Variants in LIX1 observed in about 807,000 individuals in gnomAD.
The protein encoded by LIX1 is protein limb expression 1 homolog.
In LIX1, 24 loss-of-function variants were observed where a neutral mutation model predicts 33.4. The ratio of observed to expected loss-of-function variants is 0.72; its 90% CI spans 0.52 to 1.01. The LOEUF (loss-of-function observed/expected upper bound fraction) is 1.01. Ranked by LOEUF, LIX1 falls within the 50% of genes least tolerant of loss-of-function variation. The pLI is 0.00. For synonymous variants in LIX1, 124 were observed against 124.0 expected, an observed-to-expected ratio of 1.00 and a Z score of 0.00; for missense variants, 311 against 339.2, an observed-to-expected ratio of 0.92 and a Z score of 0.65.
intron 4 of LIX1, among the ~76,000 whole-genome samples, chr5:97,097,463 A>G (rs1447404420): frequency 1.3e-5 from 2 of 152,226 alleles, no homozygotes; most frequent in Non-Finnish European, 2.9e-5. Flanking sequence ...GAAGATCGCT[A>G]TATACATGTT....
At chr5:97,121,403 T>A (rs1468836461) in intron 2 of LIX1, among the ~76,000 whole-genome samples, 1 of 152,162 alleles carries the variant, frequency 6.6e-6, no homozygotes, top group African/African-American at 2.4e-5. Flanking sequence ...TCTAGAGCTC[T>A]TACTAAATTG....
At chr5:97,140,950 T>G (rs1235357514) in intron 1 of LIX1, among the ~76,000 whole-genome samples, 1 of 152,218 alleles carries the variant, frequency 6.6e-6, no homozygotes, top group African/African-American at 2.4e-5. Context: ...AAAGAAGTCC[T>G]GCAAAGTCCT....
intron 1 of LIX1, among the ~76,000 whole-genome samples, chr5:97,141,477 A>G (rs918419352): frequency 6.6e-6 from 1 of 152,256 alleles, no homozygotes; most frequent in Non-Finnish European, 1.5e-5. Context: ...GGAAAAATTT[A>G]TAGAATTAAA....
At chr5:97,104,182 G>T (rs1046503161) in intron 4 of LIX1, among the ~76,000 whole-genome samples, 6 of 152,108 alleles carry the variant, frequency 3.9e-5, no homozygotes, top group Admixed American at 2.0e-4. Flanking sequence ...GCTTCAGAAG[G>T]GCTCAGCTCA....
intron 1 of LIX1, among the ~76,000 whole-genome samples, chr5:97,134,608 A>G (rs899222968): frequency 6.6e-6 from 1 of 152,252 alleles, no homozygotes; most frequent in Non-Finnish European, 1.5e-5. Flanking sequence ...TTGAGGAGCA[A>G]CAGGAAAAGG....
At chr5:97,129,874 T>A (rs1748016566) in intron 1 of LIX1, among the ~76,000 whole-genome samples, 1 of 152,230 alleles carries the variant, frequency 6.6e-6, no homozygotes, top group Admixed American at 6.5e-5. Flanking sequence ...ATGAGAGCCT[T>A]CCCCAAGAAT....
At chr5:97,129,753 C>G (rs995866821) in intron 1 of LIX1, among the ~76,000 whole-genome samples, 5 of 152,002 alleles carry the variant, frequency 3.3e-5, no homozygotes, top group African/African-American at 1.2e-4. Context: ...ATATCATTTC[C>G]CCACAACCCC....
At chr5:97,130,054 TATC>T (rs1261351695) in intron 1 of LIX1, among the ~76,000 whole-genome samples, 2 of 152,214 alleles carry the variant, frequency 1.3e-5, no homozygotes, top group African/African-American at 4.8e-5. Flanking sequence ...CCAATATCCT[TATC>T]ATCAATCTTC....
Position 97,093,416 on chromosome 5 carries a change from A to G in LIX1, c.*1332T>C, listed in dbSNP as rs1158382812. On this transcript the variant is annotated 3_prime_UTR_variant, in exon 6 of 6. Transcript: ENST00000274382. ...GAATAATCATTTTCATGTTACAGATATGGAAAGACCTATGAGCATTTAAAA... is the reference window on the plus strand; with the variant it reads ...GAATAATCATTTTCATGTTACAGATGTGGAAAGACCTATGAGCATTTAAAA... 1 of 152,330 alleles carries G rather than the reference A, an allele frequency of 6.6e-6. No individual in the cohort carries two copies. The highest frequency in any genetic ancestry group is 1.5e-5 in the Non-Finnish European group (1 of 68,032). 9.4% of individuals were successfully genotyped at this position (152,330 alleles called of 1,614,324 possible).
At chr5:97,140,523 A>G (rs1748264155) in intron 1 of LIX1, among the ~76,000 whole-genome samples, 1 of 152,154 alleles carries the variant, frequency 6.6e-6, no homozygotes, top group South Asian at 2.1e-4. Flanking sequence ...TGGTGGCAGC[A>G]ACTTATGGGT....
At chr5:97,117,711 A>G (rs552512806) in intron 2 of LIX1, among the ~76,000 whole-genome samples, 15 of 152,342 alleles carry the variant, frequency 9.8e-5, no homozygotes, top group African/African-American at 3.6e-4. Flanking sequence ...TTAAGGCTGT[A>G]TGCTCCTTGG....
In LIX1 at chr5:97,094,974, A is replaced by C; in HGVS notation, c.623T>G (p.Leu208Arg). 6.2e-7 allele frequency: 1 copy of C among 1,614,138 alleles called. No homozygotes were observed. The highest frequency in any genetic ancestry group is 8.5e-7 in the Non-Finnish European group (1 of 1,180,026). Residue 208 changes from leucine (L) to arginine (R), a missense_variant, in exon 6 of 6, where the codon CTG (leucine) becomes CGG (arginine). Transcript: ENST00000274382. ...LDEKMRSHMA[L>R]DWIMKERDSP... ...GTCCCGCTCCTTCATGATCCAGTCC[A>C]GGGCCATGTGGCTGCGCATCTTTTC...
chr5:97,128,202 T>C (rs1297718896), intron 1 of LIX1, among the ~76,000 whole-genome samples: 1 of 152,230 alleles, frequency 6.6e-6, no homozygotes, highest in African/African-American at 2.4e-5. Flanking sequence ...TCAAGTAATG[T>C]AGGCTTTCCT....
At chr5:97,136,140 A>C (rs1748168447) in intron 1 of LIX1, among the ~76,000 whole-genome samples, 2 of 152,188 alleles carry the variant, frequency 1.3e-5, no homozygotes, top group African/African-American at 4.8e-5. Flanking sequence ...GGATGAATGT[A>C]AGGATGGGCA....
At chr5:97,112,866 C>T (rs1252491308) in intron 2 of LIX1, among the ~76,000 whole-genome samples, 2 of 151,764 alleles carry the variant, frequency 1.3e-5, no homozygotes, top group Non-Finnish European at 2.9e-5. Context: ...GCAGTGGTAG[C>T]CAGTTTGTAA....
chr5:97,103,680 C>A (rs1480532698), intron 4 of LIX1, among the ~76,000 whole-genome samples: 1 of 152,128 alleles, frequency 6.6e-6, no homozygotes, highest in Non-Finnish European at 1.5e-5. Flanking sequence ...AACTGGATGA[C>A]TAAGGCCGGG....
intron 1 of LIX1, among the ~76,000 whole-genome samples, chr5:97,127,847 T>A (rs6890564): frequency 0.02 from 3,004 of 152,342 alleles, 84 homozygotes; most frequent in African/African-American, 0.064. Flanking sequence ...TATCCATCCC[T>A]ATGTCTAGGG....
At chr5:97,119,467 T>C (rs1747725899) in intron 2 of LIX1, among the ~76,000 whole-genome samples, 1 of 152,156 alleles carries the variant, frequency 6.6e-6, no homozygotes, top group African/African-American at 2.4e-5. Flanking sequence ...GTTCTTTCAT[T>C]TTTCCCCCTG....
intron 5 of LIX1, among the ~76,000 whole-genome samples, chr5:97,096,565 C>T (rs1035662867): frequency 7.9e-5 from 12 of 152,138 alleles, no homozygotes; most frequent in Non-Finnish European, 1.6e-4. Context: ...ATGATCCTTT[C>T]GGTTTGCATT....
Sources: allele counts gnomAD v4.1 joint callset (sites outside exome capture counted in the v4.1 genomes callset), GRCh38; gene constraint gnomAD v4.1.1; transcripts MANE v1.5; gene names NCBI Gene and HGNC (gene_info 2026-07-23, HGNC 2026-07-21).